Variants in GALNT13 observed in about 807,000 individuals in gnomAD.
GALNT13 encodes the protein polypeptide N-acetylgalactosaminyltransferase 13.
Under a neutral mutation model 64.2 loss-of-function variants are expected in GALNT13, and 28 were observed. The observed-to-expected ratio is 0.44, with a 90% CI of 0.32 to 0.60. GALNT13 has a LOEUF of 0.60. GALNT13 is among the 20% of genes least tolerant of loss of function. The pLI is 0.05. For synonymous variants in GALNT13, 214 were observed against 224.6 expected, an observed-to-expected ratio of 0.95 and a Z score of 0.42; for missense variants, 577 against 669.8, an observed-to-expected ratio of 0.86 and a Z score of 1.53.
chr2:153,672,484 A>C, the GALNT13 span, among the ~76,000 whole-genome samples: 32 of 152,336 alleles, frequency 2.1e-4, no homozygotes, highest in African/African-American at 7.7e-4. Context: ...GGCAGAAATA[A>C]AGAAGTTCTT....
the GALNT13 span, among the ~76,000 whole-genome samples, chr2:153,588,308 A>C: frequency 2.6e-5 from 4 of 152,216 alleles, no homozygotes; most frequent in African/African-American, 7.2e-5. Context: ...CTGACCCTGC[A>C]TTTTCCTTCT....
chr2:154,412,222 A>G (rs1452749004), intron 11 of GALNT13, among the ~76,000 whole-genome samples: 1 of 151,784 alleles, frequency 6.6e-6, no homozygotes, highest in Non-Finnish European at 1.5e-5. Flanking sequence ...ATCATATAAA[A>G]CTCAATTATT....
At chr2:153,795,071 G>A in the GALNT13 span, among the ~76,000 whole-genome samples, 1 of 152,186 alleles carries the variant, frequency 6.6e-6, no homozygotes, top group Non-Finnish European at 1.5e-5. Context: ...GCTTTCAGCT[G>A]AGCCGGGGAG....
At chr2:153,112,269 C>T in the GALNT13 span, among the ~76,000 whole-genome samples, 1 of 152,128 alleles carries the variant, frequency 6.6e-6, no homozygotes, top group African/African-American at 2.4e-5. Context: ...AAGTCAGCTG[C>T]CTATAGGCAG....
chr2:153,340,253 ATCT>A, the GALNT13 span, among the ~76,000 whole-genome samples: 2 of 152,088 alleles, frequency 1.3e-5, no homozygotes. Flanking sequence ...ATTTATTTGT[ATCT>A]TCTTCATTTT....
At chr2:154,323,356 C>T (rs1250599226) in intron 9 of GALNT13, among the ~76,000 whole-genome samples, 2 of 151,988 alleles carry the variant, frequency 1.3e-5, no homozygotes, top group African/African-American at 4.8e-5. Flanking sequence ...CAGTTTTTCC[C>T]CCTAAACTTT....
At chr2:154,078,071 C>G (rs1323790943) in intron 3 of GALNT13, among the ~76,000 whole-genome samples, 1 of 151,442 alleles carries the variant, frequency 6.6e-6, no homozygotes, top group Middle Eastern at 3.2e-3. Flanking sequence ...TCCAAATACT[C>G]TGCAGTTTTC....
At chr2:154,414,226 G>A (rs1699910526) in intron 11 of GALNT13, among the ~76,000 whole-genome samples, 1 of 151,940 alleles carries the variant, frequency 6.6e-6, no homozygotes, top group Non-Finnish European at 1.5e-5. Flanking sequence ...TAAGATTTCA[G>A]CAAATAAGAC....
At chr2:153,784,408 C>T in the GALNT13 span, among the ~76,000 whole-genome samples, 89 of 152,198 alleles carry the variant, frequency 5.8e-4, no homozygotes, top group Middle Eastern at 0.014. Flanking sequence ...AACTTCTAAG[C>T]GGCAAAGCAT....
At chr2:153,422,080 C>A in the GALNT13 span, 2 of 151,994 alleles carry the variant, frequency 1.3e-5, no homozygotes, top group African/African-American at 4.8e-5. Flanking sequence ...AAAAAAAAGG[C>A]ATAAATAGCT....
At chr2:153,812,578 T>C in the GALNT13 span, among the ~76,000 whole-genome samples, 1 of 152,208 alleles carries the variant, frequency 6.6e-6, no homozygotes, top group Admixed American at 6.5e-5. Flanking sequence ...CATTCTTACC[T>C]TATTTACTTT....
chr2:153,148,316 A>G, the GALNT13 span, among the ~76,000 whole-genome samples: 1 of 151,868 alleles, frequency 6.6e-6, no homozygotes, highest in African/African-American at 2.4e-5. Flanking sequence ...CCAAGCTTGC[A>G]GGAGGACATA....
rs564220885 is a variant in GALNT13 at position 154,040,905 on chromosome 2, T to G, written c.142+96266T>G. 1.4e-4 allele frequency among the ~76,000 whole-genome samples: 19 copies of G among 140,208 alleles called. 4 individuals carry two copies. Among genetic ancestry groups the G allele is most frequent in the Non-Finnish European group, 6.6e-5 (4 of 61,016 alleles). The allele number at this position is 140,208 out of a possible 152,430, so 92.0% of individuals were successfully genotyped here. ...CTATTCATTATTATTCCTTAGATGC[T>G]CGAATCCTCCATACAATGTGGTACT... On this transcript the variant is annotated intron_variant, in intron 3 of 12. Transcript: ENST00000392825.
At chr2:153,194,795 T>G in the GALNT13 span, among the ~76,000 whole-genome samples, 2 of 150,188 alleles carry the variant, frequency 1.3e-5, no homozygotes, top group Non-Finnish European at 3.0e-5. Context: ...TTGCTTTGAT[T>G]CCAGTTGCAC....
intron 3 of GALNT13, among the ~76,000 whole-genome samples, chr2:154,047,096 C>G (rs2105338677): frequency 6.6e-6 from 1 of 152,260 alleles, no homozygotes; most frequent in African/African-American, 2.4e-5. Context: ...CTTACCCTAA[C>G]TTGCTTTTAC....
chr2:154,156,810 A>G (rs527838066), intron 4 of GALNT13, among the ~76,000 whole-genome samples: 29 of 152,344 alleles, frequency 1.9e-4, no homozygotes, highest in African/African-American at 6.7e-4. Flanking sequence ...TGGAACTTAT[A>G]TAGATATAAG....
the GALNT13 span, among the ~76,000 whole-genome samples, chr2:153,327,771 C>T: frequency 5.3e-5 from 8 of 151,848 alleles, no homozygotes; most frequent in East Asian, 2.0e-4. Flanking sequence ...TTTGTTATTA[C>T]CCACCTTCTG....
At chr2:153,134,019 C>T in the GALNT13 span, among the ~76,000 whole-genome samples, 1 of 152,204 alleles carries the variant, frequency 6.6e-6, no homozygotes, top group East Asian at 1.9e-4. Flanking sequence ...AGCATTAATA[C>T]TGATGGCCTG....
intron 4 of GALNT13, among the ~76,000 whole-genome samples, chr2:154,198,477 T>C (rs1190453797): frequency 1.3e-5 from 2 of 152,050 alleles, no homozygotes; most frequent in East Asian, 3.9e-4. Context: ...ACATTCATAA[T>C]GATTGTGTTT....
Sources: gnomAD v4.1 joint callset for allele counts (sites outside exome capture counted in the v4.1 genomes callset) on GRCh38, gnomAD v4.1.1 for gene constraint, MANE v1.5 for transcripts, NCBI Gene and HGNC (gene_info 2026-07-23, HGNC 2026-07-21) for gene names.